EPS8: variants seen among roughly 807,000 people sequenced by gnomAD.
EPS8 encodes epidermal growth factor receptor kinase substrate 8.
EPS8 carries 42 observed loss-of-function variants against 103.8 expected under a neutral mutation model. The observed-to-expected ratio is 0.40, with a 90% CI of 0.32 to 0.52. The LOEUF is 0.52. EPS8 is among the 20% of genes least tolerant of loss of function. EPS8 has a pLI of 0.40. For missense variants in EPS8, 969 were observed against 1,005.1 expected (o/e 0.96, Z 0.49); for synonymous variants, 344 against 344.6 (o/e 1.00, Z 0.02).
In EPS8 at chr12:15,717,112, G is replaced by T. The variant is rs1171818429; in HGVS notation, c.-21-34140C>A. ...CAAATGCTTTAACAATTTACCTGGA[G>T]AGGGACAGGAGATGCAATATGACTT... On this transcript the variant is annotated intron_variant, in intron 1 of 20. Coordinates refer to ENST00000281172, the MANE Select transcript of EPS8 (RefSeq NM_004447.6). This position sits in a 1 kb window ranked among gnomAD's most constrained non-coding sequence, Gnocchi z 4.3. 6.6e-6 allele frequency among the ~76,000 whole-genome samples: 1 copy of T among 152,212 alleles called. No homozygotes were observed. The highest frequency in any genetic ancestry group is 1.5e-5 in the Non-Finnish European group (1 of 68,038).
At position 15,641,826 on chromosome 12, in the gene EPS8, A is replaced by G. The variant is rs781641535; in HGVS notation, c.1573T>C (p.Tyr525His). 1.3e-6 allele frequency: 2 copies of G among 1,515,950 alleles called. No homozygotes were observed. Among genetic ancestry groups the G allele is most frequent in the Non-Finnish European group, 1.8e-6 (2 of 1,110,792 alleles). 93.9% of individuals were successfully genotyped at this position (1,515,950 alleles called of 1,614,324 possible). A position where few individuals can be genotyped will look rare whatever the true frequency, so the allele number is the denominator to read the frequency against. ...TTGGGTTGTGTTTTGAGTGGTTCAT[A>G]ATTTCTATAAAAAGAAAGAAAAAAG... The part of the protein sequence containing the change: ...PTSNRHIDRN[Y>H]EPLKTQPKKY... The change falls in exon 16 of 21, where the codon TAT becomes CAT. Residue 525 changes from tyrosine (Y) to histidine (H), a missense_variant. Transcript: ENST00000281172.
In EPS8 at chr12:15,702,682, A is replaced by T. The variant is rs4764222; in HGVS notation, c.-21-19710T>A. 0.7 allele frequency among the ~76,000 whole-genome samples: 103,996 copies of T among 149,288 alleles called. 37,900 individuals carry two copies. Among genetic ancestry groups the T allele is most frequent in the East Asian group, 0.86 (4,462 of 5,180 alleles). ...ATTTTTACCTATATCCAAAACACAT[A>T]TCCAATACAATATATAAATATGAAG... On this transcript the variant is annotated intron_variant, in intron 1 of 20. Transcript: ENST00000281172. This position sits in a 1 kb window ranked among gnomAD's most constrained non-coding sequence, Gnocchi z 5.1.
At chr12:15,676,408 G>C (rs1945908997) in intron 3 of EPS8, among the ~76,000 whole-genome samples, 1 of 152,024 alleles carries the variant, frequency 6.6e-6, no homozygotes, top group Admixed American at 6.5e-5. Flanking sequence ...AAAGGGACAG[G>C]CTTGAGACCC....
chr12:15,699,354 T>G (rs929440098), intron 1 of EPS8, among the ~76,000 whole-genome samples: 7 of 152,190 alleles, frequency 4.6e-5, no homozygotes, highest in African/African-American at 1.7e-4. Context: ...CTTAGACAAG[T>G]CATTATCCTA....
chr12:15,620,433 GCTT>G lies in EPS8; in HGVS notation c.*881_*883del, dbSNP rs1944844418. ...GGATTAAAATATGTGTAAATTAAGTGCTTCTTATTACCAGAAATACTTGACACA... is the reference window on the plus strand; with the variant it reads ...GGATTAAAATATGTGTAAATTAAGTGCTTATTACCAGAAATACTTGACACA... On this transcript the variant is annotated 3_prime_UTR_variant, in exon 21 of 21. Transcript: ENST00000281172. 1 of 152,582 alleles carries G rather than the reference GCTT, an allele frequency of 6.6e-6. No individual in the cohort carries two copies. Among genetic ancestry groups the G allele is most frequent in the South Asian group, 2.1e-4 (1 of 4,832 alleles). 9.5% of individuals were successfully genotyped at this position (152,582 alleles called of 1,614,324 possible).
chr12:15,710,959 C>T (rs942846426), intron 1 of EPS8, among the ~76,000 whole-genome samples: 1 of 152,128 alleles, frequency 6.6e-6, no homozygotes, highest in Non-Finnish European at 1.5e-5. Context: ...GTCTCAGTCT[C>T]CTGGGATCAA....
intron 1 of EPS8, among the ~76,000 whole-genome samples, chr12:15,742,038 T>G (rs529195938): frequency 6.6e-6 from 1 of 152,248 alleles, no homozygotes; most frequent in African/African-American, 2.4e-5. Flanking sequence ...ACAAAGGACA[T>G]GAACTCATCC....
chr12:15,725,225 T>C lies in EPS8; in HGVS notation c.-21-42253A>G, dbSNP rs1179943546. ...AACTGAAGCAATTTCTACTCGTTTA[T>C]GGGGACTGTCTGGAATTTTAGCAGC... On this transcript the variant is annotated intron_variant, in intron 1 of 20. Coordinates refer to ENST00000281172, the MANE Select transcript of EPS8 (RefSeq NM_004447.6). The surrounding 1 kb of genome is among the most constrained non-coding windows in gnomAD (Gnocchi z 4.5). Among the ~76,000 whole-genome samples the C allele has an allele frequency of 6.6e-6, 1 of 152,170 alleles. No homozygotes were observed. Among genetic ancestry groups the C allele is most frequent in the Non-Finnish European group, 1.5e-5 (1 of 68,020 alleles).
At chr12:15,658,217 A>G in intron 11 of EPS8, 64 bp from the exon 12 acceptor site, 1 of 1,103,502 alleles carries the variant, frequency 9.1e-7, no homozygotes, top group Non-Finnish European at 1.4e-6. Context: ...AGAAAGGTCC[A>G]ACATAGACAC....
At chr12:15,654,489 T>C (rs1010602714) in intron 12 of EPS8, 196 bp from the exon 13 acceptor site, 6 of 591,850 alleles carry the variant, frequency 1.0e-5, no homozygotes, top group Non-Finnish European at 1.8e-5. Flanking sequence ...CTTTAAAACC[T>C]AAATGAAAGT....
chr12:15,691,396 A>G (rs1420968662), intron 1 of EPS8, among the ~76,000 whole-genome samples: 1 of 152,080 alleles, frequency 6.6e-6, no homozygotes, highest in Non-Finnish European at 1.5e-5. Flanking sequence ...AAAAATTAAC[A>G]AAAAAGAAAG....
In EPS8 at chr12:15,717,339, C is replaced by T. The variant is rs1381352866; in HGVS notation, c.-21-34367G>A. On this transcript the variant is annotated intron_variant, in intron 1 of 20. Transcript: ENST00000281172. The surrounding 1 kb of genome is among the most constrained non-coding windows in gnomAD (Gnocchi z 4.3). ...CAGTGGTTCACACCTGTAATCCTAG[C>T]ACTTTGGGAGGCCGAGGCAAGTGGA... is the stretch of plus-strand genomic sequence containing the variant. 1.3e-5 allele frequency among the ~76,000 whole-genome samples: 2 copies of T among 152,180 alleles called. No individual in the cohort carries two copies. The highest frequency in any genetic ancestry group is 1.3e-4 in the Admixed American group (2 of 15,286).
intron 15 of EPS8, among the ~76,000 whole-genome samples, chr12:15,645,511 A>C (rs1945305580): frequency 6.6e-6 from 1 of 152,148 alleles, no homozygotes; most frequent in African/African-American, 2.4e-5. Flanking sequence ...GAGCTAACTG[A>C]ATCTATTTTG....
intron 18 of EPS8, among the ~76,000 whole-genome samples, chr12:15,630,155 A>T (rs995980918): frequency 3.8e-4 from 57 of 151,570 alleles, no homozygotes; most frequent in African/African-American, 1.3e-3. Context: ...ACATTGAGGG[A>T]AAGATAGATA....
intron 3 of EPS8, among the ~76,000 whole-genome samples, chr12:15,677,855 T>C (rs1945936219): frequency 6.6e-6 from 1 of 152,112 alleles, no homozygotes; most frequent in Admixed American, 6.5e-5. Flanking sequence ...AATGGACAGA[T>C]GGATGAATGA....
chr12:15,774,350 C>T (rs1458017856), intron 1 of EPS8, among the ~76,000 whole-genome samples: 1 of 139,328 alleles, frequency 7.2e-6, no homozygotes, highest in Non-Finnish European at 1.5e-5. Flanking sequence ...AACTTGCATA[C>T]AGGCCTAGTG....
chr12:15,666,485 C>A lies in EPS8; in HGVS notation c.554G>T (p.Ser185Ile). The change falls in exon 7 of 21, where the codon AGT (serine) becomes ATT (isoleucine). Residue 185 changes from serine (S) to isoleucine (I), a missense_variant. Physicochemically the swap from Ser to Ile is moderately radical, Grantham distance 142 (BLOSUM62 -2). Coordinates refer to ENST00000281172, the MANE Select transcript of EPS8 (RefSeq NM_004447.6). ...CTTCTGTTTCCCTCCTTTACTGTCA[C>A]TGATTGCACTTTCAATATCTTCACT... ...LISEDIESAI[S>I]DSKGGKQKRR... is the part of the protein sequence containing the mutation. The A allele has an allele frequency of 1.2e-6, 2 of 1,613,950 alleles. No individual in the cohort carries two copies. The highest frequency in any genetic ancestry group is 1.7e-6 in the Non-Finnish European group (2 of 1,179,852).
chr12:15,786,381 T>A (rs1947310723), intron 1 of EPS8, among the ~76,000 whole-genome samples: 1 of 151,910 alleles, frequency 6.6e-6, no homozygotes, highest in Non-Finnish European at 1.5e-5. Context: ...AACAAGGAAG[T>A]CTAACAAACT....
chr12:15,671,562 C>T (rs1034737222), intron 3 of EPS8: 3 of 152,036 alleles, frequency 2.0e-5, no homozygotes, highest in Non-Finnish European at 4.4e-5. Context: ...AAAGTTATTG[C>T]ACCAAACTAC....
Sources: allele counts gnomAD v4.1 joint callset (sites outside exome capture counted in the v4.1 genomes callset), GRCh38; gene constraint gnomAD v4.1.1; non-coding constraint Gnocchi (gnomAD v3.1); transcripts MANE v1.5; gene names NCBI Gene and HGNC (gene_info 2026-07-23, HGNC 2026-07-21).